Variants in PROSER1 observed in about 807,000 individuals in gnomAD.
PROSER1 encodes the protein proline and serine rich 1, also known as proline and serine-rich protein 1.
A neutral mutation model predicts 71.8 loss-of-function variants in PROSER1; 36 were observed. The ratio of observed to expected loss-of-function variants is 0.50; its 90% CI spans 0.38 to 0.66. The LOEUF is 0.66. PROSER1 is among the 30% of genes least tolerant of loss of function. The pLI, the probability that PROSER1 is intolerant of heterozygous loss-of-function variation, is 0.00. For missense variants in PROSER1, 1,107 were observed against 1,135.0 expected (o/e 0.98, Z 0.35); for synonymous variants, 490 against 452.4 (o/e 1.08, Z -1.06).
chr13:39,020,000 G>A (rs1168739794), intron 9 of PROSER1, among the ~76,000 whole-genome samples: 1 of 149,312 alleles, frequency 6.7e-6, no homozygotes, highest in East Asian at 2.0e-4. Context: ...TAAGGCCTAG[G>A]AAATAAAGAA....
rs1869860893 is a variant in PROSER1, at chr13:39,014,019, G to T, written c.1233C>A (p.Ser411Arg). The part of the protein sequence containing the change: ...APFTSLPFST[S>R]SSAASTSNPN... ...GGTTGCTGGTAGAAGCAGCAGAAGAGCTGGTGGAAAAGGGGAGGCTAGTGA... is the reference window on the plus strand; with the variant it reads ...GGTTGCTGGTAGAAGCAGCAGAAGATCTGGTGGAAAAGGGGAGGCTAGTGA... Residue 411 changes from serine to arginine, a missense_variant, in exon 11 of 13, where the codon AGC (serine) becomes AGA (arginine). Ser to Arg is a moderately radical substitution (Grantham distance 110, BLOSUM62 -1). Coordinates refer to ENST00000352251, the MANE Select transcript of PROSER1 (RefSeq NM_025138.5). The T allele has an allele frequency of 1.2e-6, 2 of 1,614,142 alleles. No homozygotes were observed. Among genetic ancestry groups the T allele is most frequent in the Non-Finnish European group, 1.7e-6 (2 of 1,180,006 alleles).
rs1870373258 is a variant in PROSER1, at chr13:39,023,094, A to G, written c.601T>C (p.Tyr201His). The G allele has an allele frequency of 1.2e-6, 2 of 1,613,208 alleles. No individual in the cohort carries two copies. Among genetic ancestry groups the G allele is most frequent in the African/African-American group, 1.3e-5 (1 of 74,892 alleles). ...STYNPHKPVP[Y>H]PIPPCRPHAT... ...TGTGGTCGGCATGGAGGTATCGGAT[A>G]AGGAACAGGTTTATGTGGATTATAT... Residue 201 changes from tyrosine (Y) to histidine (H), a missense_variant, in exon 8 of 13, where the codon TAT becomes CAT. By Grantham distance (83) the Tyr-to-His change is moderately conservative. Coordinates refer to ENST00000352251, the MANE Select transcript of PROSER1 (RefSeq NM_025138.5).
chr13:39,012,941 G>C lies in PROSER1; in HGVS notation c.2311C>G (p.Pro771Ala), dbSNP rs767629281. ...PFPLNLSTAV[P>A]SLFSVTQGPL... ...CCTTGAGTAACAGAGAAAAGTGAGG[G>C]AACAGCAGTGGACAGGTTGAGGGGG... is the stretch of plus-strand genomic sequence containing the variant. The change falls in exon 11 of 13, where the codon CCC becomes GCC. Residue 771 changes from proline (P) to alanine (A), a missense_variant. Coordinates refer to ENST00000352251, the MANE Select transcript of PROSER1 (RefSeq NM_025138.5). The C allele has an allele frequency of 8.7e-6, 14 of 1,614,032 alleles. No homozygotes were observed. The highest frequency in any genetic ancestry group is 3.3e-4 in the Middle Eastern group (2 of 6,084).
chr13:39,035,778 C>G (rs546817757), intron 1 of PROSER1, among the ~76,000 whole-genome samples: 92 of 152,238 alleles, frequency 6.0e-4, no homozygotes, highest in African/African-American at 2.0e-3. Context: ...TTACAAAGAA[C>G]GATTTTTAAG....
At chr13:39,022,710 C>A (rs1025831555) in intron 8 of PROSER1, 4 of 385,410 alleles carry the variant, frequency 1.0e-5, no homozygotes, top group African/African-American at 2.0e-5. Context: ...TTCTGCCAAA[C>A]GCATATACTT....
intron 10 of PROSER1, among the ~76,000 whole-genome samples, chr13:39,014,862 T>C (rs1393765026): frequency 1.3e-5 from 2 of 152,192 alleles, no homozygotes; most frequent in South Asian, 4.1e-4. Context: ...GTCCCCCTCA[T>C]AGGAGCTTTC....
At chr13:39,017,986 G>C (rs1593530178) in intron 9 of PROSER1, 1 of 158,896 alleles carries the variant, frequency 6.3e-6, no homozygotes, top group Admixed American at 6.5e-5. Context: ...CTGAGTACCA[G>C]TGCCTACAGG....
intron 1 of PROSER1, among the ~76,000 whole-genome samples, chr13:39,035,426 T>C (rs1421874118): frequency 1.3e-5 from 2 of 152,184 alleles, no homozygotes; most frequent in Non-Finnish European, 2.9e-5. Context: ...AGTCTTGAGC[T>C]GATAGTTAAC....
At chr13:39,016,528 T>C (rs920345089) in intron 10 of PROSER1, among the ~76,000 whole-genome samples, 3 of 152,222 alleles carry the variant, frequency 2.0e-5, no homozygotes, top group African/African-American at 7.2e-5. Flanking sequence ...TCGTACAACA[T>C]AGGAAAACAA....
chr13:39,012,740 C>A lies in PROSER1; in HGVS notation c.2512G>T (p.Ala838Ser). Reference protein sequence around the residue: ...PSPAPVLPGFASAFSSNFNSA... With the variant: ...PSPAPVLPGFSSAFSSNFNSA... ...TTGAAATTGGAACTGAATGCTGAGGCGAATCCTGGGAGGACTGGAGCTGGG... is the reference window on the plus strand; with the variant it reads ...TTGAAATTGGAACTGAATGCTGAGGAGAATCCTGGGAGGACTGGAGCTGGG... Residue 838 changes from alanine to serine, a missense_variant, in exon 11 of 13, where the codon GCC becomes TCC. Ala to Ser is a moderately conservative substitution (Grantham distance 99). Transcript: ENST00000352251. 1 of 1,609,126 alleles carries A rather than the reference C, an allele frequency of 6.2e-7. No homozygotes were observed. The highest frequency in any genetic ancestry group is 1.1e-5 in the South Asian group (1 of 90,456).
intron 3 of PROSER1, 35 bp downstream of exon 3, chr13:39,031,528 A>G: frequency 6.9e-7 from 1 of 1,454,370 alleles, no homozygotes; most frequent in East Asian, 2.3e-5. Context: ...AAATACTTAA[A>G]TTCTACGTTC....
chr13:39,013,339 G>A lies in PROSER1; in HGVS notation c.1913C>T (p.Thr638Ile). Reference protein sequence around the residue: ...PSHGTLGLSGTLGRAYTSTSV... With the variant: ...PSHGTLGLSGILGRAYTSTSV... ...TGTTGAAGTATATGCACGGCCCAAT[G>A]TCCCTGACAAACCTAAAGTGCCATG... is the stretch of plus-strand genomic sequence containing the variant. The change falls in exon 11 of 13, where the codon ACA becomes ATA. Residue 638 changes from threonine to isoleucine, a missense_variant. Transcript: ENST00000352251. 1 of 1,614,206 alleles carries A rather than the reference G, an allele frequency of 6.2e-7. No individual in the cohort carries two copies. Among genetic ancestry groups the A allele is most frequent in the South Asian group, 1.1e-5 (1 of 91,084 alleles).
rs796857307 is a variant in PROSER1, at chr13:39,010,241, A to C, written c.*1124T>G. On this transcript the variant is annotated 3_prime_UTR_variant, in exon 13 of 13. Transcript: ENST00000352251. ...TTAAAAAGTTTGTTCCCTATGTTGA[A>C]GTAAAATACATTAGCAACATCTTCC... is the stretch of plus-strand genomic sequence containing the variant. 6.6e-6 allele frequency: 1 copy of C among 152,634 alleles called. No homozygotes were observed. The highest frequency in any genetic ancestry group is 2.1e-4 in the South Asian group (1 of 4,830). 9.5% of individuals were successfully genotyped at this position (152,634 alleles called of 1,614,324 possible).
In PROSER1 at chr13:39,034,167, T is replaced by C; in HGVS notation, c.75A>G (p.Ala25=). 1 of 1,588,948 alleles carries C rather than the reference T, an allele frequency of 6.3e-7. No homozygotes were observed. The highest frequency in any genetic ancestry group is 8.5e-7 in the Non-Finnish European group (1 of 1,171,210). ...KAVLTEYKLK[A]IEYVHGYFSS... The stretch of plus-strand genomic sequence containing the variant: ...AAAAGTATCCATGCACATATTCAAT[T>C]GCTTTTAATTTGTATTCTGTCAAAA... Residue 25 remains alanine, a synonymous_variant, in exon 2 of 13, where the codon GCA becomes GCG. Transcript: ENST00000352251.
intron 2 of PROSER1, 140 bp from the exon 3 acceptor site, chr13:39,031,771 T>C (rs1870856959): frequency 9.1e-6 from 6 of 658,296 alleles, no homozygotes; most frequent in Non-Finnish European, 1.6e-5. Context: ...AAAACTGTGC[T>C]AACAGAATAG....
intron 11 of PROSER1, 63 bp from the exon 12 acceptor site, chr13:39,012,296 A>G (rs938807556): frequency 1.3e-6 from 2 of 1,490,032 alleles, no homozygotes; most frequent in Non-Finnish European, 1.9e-6. Flanking sequence ...CTGTTTCCAT[A>G]TTTGTCAAAT....
At chr13:39,034,880 T>C (rs112382466) in intron 1 of PROSER1, among the ~76,000 whole-genome samples, 5 of 152,192 alleles carry the variant, frequency 3.3e-5, no homozygotes, top group Admixed American at 6.5e-5. Context: ...AAGTGATGGT[T>C]CCTTTCCTTT....
At chr13:39,031,798 T>C (rs1189388529) in intron 2 of PROSER1, 167 bp from the exon 3 acceptor site, 3 of 548,478 alleles carry the variant, frequency 5.5e-6, no homozygotes, top group Non-Finnish European at 9.8e-6. Flanking sequence ...TATAGTTATA[T>C]ACATTTAAAT....
chr13:39,028,099 C>T, intron 5 of PROSER1, 128 bp downstream of exon 5: 1 of 557,358 alleles, frequency 1.8e-6, no homozygotes, highest in Non-Finnish European at 3.3e-6. Context: ...CAGGGATGTT[C>T]ATTTTTAACC....
Sources: gnomAD v4.1 joint callset for allele counts (sites outside exome capture counted in the v4.1 genomes callset) on GRCh38, gnomAD v4.1.1 for gene constraint, MANE v1.5 for transcripts, NCBI Gene and HGNC (gene_info 2026-07-23, HGNC 2026-07-21) for gene names.